Variants in SHROOM3 observed in about 807,000 individuals in gnomAD.
The protein encoded by SHROOM3 is protein Shroom3.
In SHROOM3, 47 loss-of-function variants were observed where a neutral mutation model predicts 138.6. The ratio of observed to expected loss-of-function variants is 0.34; its 90% CI spans 0.27 to 0.43. The LOEUF is 0.43. SHROOM3 is among the 20% of genes least tolerant of loss of function. The probability of loss-of-function intolerance (pLI) is 1.00; values close to 1 mark genes in which losing one functional copy is unlikely to be tolerated. For synonymous variants in SHROOM3, 1,062 were observed against 1,063.3 expected (o/e 1.00, Z 0.02); for missense variants, 2,491 against 2,596.5 (o/e 0.96, Z 0.88).
chr4:76,577,863 TC>T (rs1014081336), intron 2 of SHROOM3, among the ~76,000 whole-genome samples: 4 of 152,212 alleles, frequency 2.6e-5, no homozygotes, highest in Admixed American at 6.5e-5. Flanking sequence ...AGACAATGTT[TC>T]CATAAGCCCC....
chr4:76,500,018 G>A (rs934196661), intron 1 of SHROOM3, among the ~76,000 whole-genome samples: 1 of 152,178 alleles, frequency 6.6e-6, no homozygotes, highest in Non-Finnish European at 1.5e-5. Context: ...AGAGGAGACA[G>A]GCATGGGCAG....
chr4:76,534,937 T>C (rs572214128), intron 1 of SHROOM3, among the ~76,000 whole-genome samples: 8 of 152,290 alleles, frequency 5.3e-5, no homozygotes, highest in African/African-American at 1.9e-4. Flanking sequence ...AGATCCATTT[T>C]TGCATGATAA....
chr4:76,657,003 T>A (rs1450876395), intron 2 of SHROOM3, among the ~76,000 whole-genome samples: 3 of 151,922 alleles, frequency 2.0e-5, no homozygotes, highest in Non-Finnish European at 4.4e-5. Flanking sequence ...GAAACCACCA[T>A]CTCTACTACT....
At chr4:76,655,552 C>A (rs1736047077) in intron 2 of SHROOM3, among the ~76,000 whole-genome samples, 3 of 152,176 alleles carry the variant, frequency 2.0e-5, no homozygotes, top group Admixed American at 2.0e-4. Flanking sequence ...AAGATAAACA[C>A]AAAGAAATTC....
At chr4:76,518,683 T>C (rs992612121) in intron 1 of SHROOM3, among the ~76,000 whole-genome samples, 9 of 152,174 alleles carry the variant, frequency 5.9e-5, no homozygotes, top group African/African-American at 1.9e-4. Context: ...AACATATTTC[T>C]AAATGAGTAC....
chr4:76,580,208 A>G (rs1255571904), intron 2 of SHROOM3, among the ~76,000 whole-genome samples: 1 of 152,222 alleles, frequency 6.6e-6, no homozygotes, highest in Non-Finnish European at 1.5e-5. Flanking sequence ...GCGCCATTCA[A>G]CTGATCCCCT....
intron 5 of SHROOM3, among the ~76,000 whole-genome samples, chr4:76,743,762 A>G (rs1285663340): frequency 6.6e-6 from 1 of 152,240 alleles, no homozygotes; most frequent in East Asian, 1.9e-4. Context: ...CGACAAATAT[A>G]GAGGCAACTT....
intron 1 of SHROOM3, among the ~76,000 whole-genome samples, chr4:76,553,271 T>C (rs72868107): frequency 0.042 from 6,380 of 152,060 alleles, 404 homozygotes; most frequent in African/African-American, 0.14. Flanking sequence ...TTTTCTTTTC[T>C]CTTTTATTTA....
chr4:76,710,159 T>C lies in SHROOM3; in HGVS notation c.327T>C (p.Asp109=). The change falls in exon 3 of 11, where the codon GAT becomes GAC. Residue 109 remains aspartate, a synonymous_variant. Transcript: ENST00000296043. ...CTTCTTTTCCTATTGTTGACAGAGA[T>C]GTGTGCACAGACCCAGGCCATGCAG... is the stretch of plus-strand genomic sequence containing the variant. ...YKTLRLVVRR[D]VCTDPGHADT... is the part of the protein sequence containing the mutation. 4 of 1,614,090 alleles carry C rather than the reference T, an allele frequency of 2.5e-6. No homozygotes were observed. Among genetic ancestry groups the C allele is most frequent in the Non-Finnish European group, 3.4e-6 (4 of 1,179,986 alleles).
At chr4:76,526,717 C>T (rs1377838041) in intron 1 of SHROOM3, among the ~76,000 whole-genome samples, 3 of 152,298 alleles carry the variant, frequency 2.0e-5, no homozygotes, top group African/African-American at 7.2e-5. Context: ...AGTGTCCTGT[C>T]CACTGGCTTG....
At chr4:76,729,510 T>G (rs969364660) in intron 3 of SHROOM3, among the ~76,000 whole-genome samples, 2 of 152,210 alleles carry the variant, frequency 1.3e-5, no homozygotes, top group African/African-American at 4.8e-5. Flanking sequence ...AGTATATGTT[T>G]GTGTTTTGTT....
At chr4:76,582,217 A>G (rs1438693162) in intron 2 of SHROOM3, among the ~76,000 whole-genome samples, 1 of 152,148 alleles carries the variant, frequency 6.6e-6, no homozygotes, top group Non-Finnish European at 1.5e-5. Flanking sequence ...AGAGTTCAAG[A>G]GGCTGTTTCT....
At chr4:76,524,377 G>A (rs1579211773) in intron 1 of SHROOM3, among the ~76,000 whole-genome samples, 1 of 152,194 alleles carries the variant, frequency 6.6e-6, no homozygotes, top group South Asian at 2.1e-4. Flanking sequence ...AAGAACAAGG[G>A]AGAGGGGAAC....
At position 76,740,538 on chromosome 4, in the gene SHROOM3, G is replaced by A. The variant is rs1408267776; in HGVS notation, c.2365G>A (p.Glu789Lys). ...CSVLEKVSKFEQREQGSQRPS... is the reference protein window; with the variant it reads ...CSVLEKVSKFKQREQGSQRPS... ...GGTGCTGGAGAAGGTCTCCAAATTC[G>A]AGCAGCGAGAGCAAGGGAGCCAGAG... The change falls in exon 5 of 11, where the codon GAG becomes AAG. Residue 789 changes from glutamate (E) to lysine (K), a missense_variant. Physicochemically the swap from Glu to Lys is moderately conservative, Grantham distance 56. Coordinates refer to ENST00000296043, the MANE Select transcript of SHROOM3 (RefSeq NM_020859.4). This position sits in a 1 kb window ranked among gnomAD's most constrained non-coding sequence, Gnocchi z 4.0. The A allele has an allele frequency of 4.3e-6, 7 of 1,613,964 alleles. No individual in the cohort carries two copies. The highest frequency in any genetic ancestry group is 1.1e-5 in the South Asian group (1 of 91,074).
intron 2 of SHROOM3, among the ~76,000 whole-genome samples, chr4:76,646,133 C>T (rs768705570): frequency 4.7e-5 from 7 of 150,232 alleles, no homozygotes; most frequent in African/African-American, 7.4e-5. Context: ...GATGAGTTAA[C>T]GGGTGCAGCA....
At chr4:76,688,309 T>C (rs940064087) in intron 2 of SHROOM3, 16 of 827,058 alleles carry the variant, frequency 1.9e-5, no homozygotes, top group African/African-American at 7.4e-5. Flanking sequence ...GTTTATTCAG[T>C]GGTTGCCATG....
chr4:76,526,338 C>G (rs1206280193), intron 1 of SHROOM3, among the ~76,000 whole-genome samples: 3 of 152,082 alleles, frequency 2.0e-5, no homozygotes, highest in African/African-American at 7.2e-5. Context: ...TGCACTCCAG[C>G]CTGGGCAACA....
intron 2 of SHROOM3, among the ~76,000 whole-genome samples, chr4:76,699,246 G>A (rs1719835265): frequency 6.6e-6 from 1 of 152,236 alleles, no homozygotes; most frequent in Admixed American, 6.5e-5. Context: ...CTGGAGGTCA[G>A]AAGCTGTCTT....
At chr4:76,693,367 T>TTTG (rs1719613767) in intron 2 of SHROOM3, among the ~76,000 whole-genome samples, 1 of 124,288 alleles carries the variant, frequency 8.0e-6, no homozygotes, top group Non-Finnish European at 1.6e-5. Context: ...TTTTGATAAG[T>TTTG]TTGTTTTTTT....
Sources: allele counts gnomAD v4.1 joint callset (sites outside exome capture counted in the v4.1 genomes callset), GRCh38; gene constraint gnomAD v4.1.1; non-coding constraint Gnocchi (gnomAD v3.1); transcripts MANE v1.5; gene names NCBI Gene and HGNC (gene_info 2026-07-23, HGNC 2026-07-21).